TUSC3: variants seen among roughly 807,000 people sequenced by gnomAD.
TUSC3 encodes tumor suppressor candidate 3.
TUSC3 carries 45 observed loss-of-function variants against 44.8 expected under a neutral mutation model. The observed-to-expected ratio is 1.00, with a 90% CI of 0.79 to 1.29. The LOEUF (loss-of-function observed/expected upper bound fraction) is 1.29, where lower values mean the gene tolerates loss of function less well. Among genes scored for constraint, TUSC3 ranks in the 50% most tolerant of loss-of-function variants. TUSC3 has a pLI of 0.00. For missense variants in TUSC3, 519 were observed against 437.9 expected, an observed-to-expected ratio of 1.19 and a Z score of -1.65; for synonymous variants, 212 against 152.9, an observed-to-expected ratio of 1.39 and a Z score of -2.85.
intron 1 of TUSC3, among the ~76,000 whole-genome samples, chr8:15,568,545 T>C (rs1802756482): frequency 1.3e-5 from 2 of 152,168 alleles, no homozygotes; most frequent in Non-Finnish European, 1.5e-5. Context: ...ATGAAAGACA[T>C]TTATAACTTC....
At chr8:15,574,387 A>T (rs1430420410) in intron 1 of TUSC3, among the ~76,000 whole-genome samples, 1 of 152,132 alleles carries the variant, frequency 6.6e-6, no homozygotes, top group Non-Finnish European at 1.5e-5. Flanking sequence ...ATTATATTTT[A>T]GTGGTCAACT....
chr8:15,445,730 C>T (rs990011010), intron 1 of TUSC3, among the ~76,000 whole-genome samples: 3 of 152,242 alleles, frequency 2.0e-5, no homozygotes, highest in African/African-American at 7.2e-5. Context: ...TACACAGACA[C>T]AGTAACAATC....
chr8:15,675,325 G>A (rs949571627), intron 6 of TUSC3, among the ~76,000 whole-genome samples: 6 of 151,602 alleles, frequency 4.0e-5, no homozygotes, highest in African/African-American at 1.2e-4. Flanking sequence ...ACATATTAAG[G>A]CATTGCTTTT....
chr8:15,634,353 C>T (rs987684435), intron 2 of TUSC3, among the ~76,000 whole-genome samples: 3 of 152,204 alleles, frequency 2.0e-5, no homozygotes, highest in Non-Finnish European at 4.4e-5. Flanking sequence ...GACAGACCCG[C>T]AGGGAGTAGT....
intron 1 of TUSC3, among the ~76,000 whole-genome samples, chr8:15,621,277 CTT>C (rs890150208): frequency 3.3e-5 from 5 of 151,450 alleles, no homozygotes; most frequent in Admixed American, 1.3e-4. Context: ...GACTTTAAAA[CTT>C]ATTAAATATA....
chr8:15,806,666 G>A, the TUSC3 span: 2 of 1,067,658 alleles, frequency 1.9e-6, no homozygotes, highest in Admixed American at 1.8e-5. Flanking sequence ...AAGCTGCCCA[G>A]TAGGACCTTT....
At chr8:15,441,081 C>T (rs1268480645) in intron 1 of TUSC3, among the ~76,000 whole-genome samples, 1 of 152,116 alleles carries the variant, frequency 6.6e-6, no homozygotes, top group Non-Finnish European at 1.5e-5. Context: ...CTAAAACTGC[C>T]CTAATAATTA....
At chr8:15,475,847 A>T (rs1422631546) in intron 1 of TUSC3, among the ~76,000 whole-genome samples, 2 of 152,172 alleles carry the variant, frequency 1.3e-5, no homozygotes, top group Non-Finnish European at 2.9e-5. Context: ...AGTTGCACTA[A>T]TTCTCTTCCT....
chr8:15,441,890 T>A (rs933144605), intron 1 of TUSC3, among the ~76,000 whole-genome samples: 1 of 152,204 alleles, frequency 6.6e-6, no homozygotes, highest in African/African-American at 2.4e-5. Flanking sequence ...ACCAGCTATA[T>A]GAATGGATCT....
In TUSC3 at chr8:15,485,572, C is replaced by G. The variant is rs1800723333; in HGVS notation, n.189+2089C>G. Among the ~76,000 whole-genome samples, 3 of 147,822 alleles carry G rather than the reference C, an allele frequency of 2.0e-5. No individual in the cohort carries two copies. In the Admixed American group the frequency reaches 2.1e-4, roughly 10 times the overall value. ...ATTGGGCCTACAAACACGAGCTAAA[C>G]AAAGAGACAGATACCTAATCATGGG... On this transcript the variant is annotated intron_variant and non_coding_transcript_variant, in intron 2 of 5. Coordinates refer to the TUSC3 transcript ENST00000503191.
the TUSC3 span, among the ~76,000 whole-genome samples, chr8:15,799,843 C>G: frequency 2.6e-5 from 4 of 152,126 alleles, no homozygotes; most frequent in Non-Finnish European, 5.9e-5. Flanking sequence ...CATAAGACCC[C>G]AGGTCATAGA....
At chr8:15,734,301 G>A (rs557665243) in intron 7 of TUSC3, among the ~76,000 whole-genome samples, 7 of 152,224 alleles carry the variant, frequency 4.6e-5, no homozygotes, top group Non-Finnish European at 1.0e-4. Context: ...AAAATCATAA[G>A]AGAAAACAGA....
At chr8:15,660,356 TATTA>T (rs1159180852) in intron 4 of TUSC3, among the ~76,000 whole-genome samples, 1 of 152,048 alleles carries the variant, frequency 6.6e-6, no homozygotes, top group African/African-American at 2.4e-5. Flanking sequence ...AGAAAAATAG[TATTA>T]ATTAATAGTA....
intron 2 of TUSC3, among the ~76,000 whole-genome samples, chr8:15,519,563 A>T (rs1023706979): frequency 6.6e-6 from 1 of 152,054 alleles, no homozygotes; most frequent in Non-Finnish European, 1.5e-5. Context: ...TAGGAGCAAG[A>T]ATCCTATTGT....
At chr8:15,586,034 A>C (rs899181646) in intron 1 of TUSC3, among the ~76,000 whole-genome samples, 13 of 152,210 alleles carry the variant, frequency 8.5e-5, no homozygotes, top group African/African-American at 2.2e-4. Context: ...TCAGGGAGTT[A>C]TGAGGGGAAC....
chr8:15,472,071 G>A (rs1005245531), intron 1 of TUSC3, among the ~76,000 whole-genome samples: 1 of 152,188 alleles, frequency 6.6e-6, no homozygotes, highest in Non-Finnish European at 1.5e-5. Flanking sequence ...AAAAATATAT[G>A]TGACATAAAT....
At chr8:15,536,609 G>T (rs967610410), upstream of TUSC3, among the ~76,000 whole-genome samples, 1 of 147,450 alleles carries the variant, frequency 6.8e-6, no homozygotes, top group East Asian at 2.1e-4. Flanking sequence ...TTGAACCTGG[G>T]AGGCGGAGGT....
At chr8:15,455,890 A>G (rs550775842) in intron 1 of TUSC3, among the ~76,000 whole-genome samples, 3 of 152,360 alleles carry the variant, frequency 2.0e-5, no homozygotes, top group Admixed American at 1.3e-4. Context: ...GAATTCTGCT[A>G]AAGTGTAGCT....
chr8:15,463,221 A>C (rs915561216), intron 1 of TUSC3, among the ~76,000 whole-genome samples: 1 of 152,062 alleles, frequency 6.6e-6, no homozygotes, highest in Non-Finnish European at 1.5e-5. Flanking sequence ...ATTTACTACA[A>C]ATTACTTAGC....
Sources: allele counts gnomAD v4.1 joint callset (sites outside exome capture counted in the v4.1 genomes callset), GRCh38; gene constraint gnomAD v4.1.1; transcripts MANE v1.5; gene names NCBI Gene and HGNC (gene_info 2026-07-23, HGNC 2026-07-21).